ZNF654: variants seen among roughly 807,000 people sequenced by gnomAD.
The protein encoded by ZNF654 is melanoma-associated antigen.
Under a neutral mutation model 95.3 loss-of-function variants are expected in ZNF654, and 19 were observed. The observed-to-expected ratio is 0.20, with a 90% CI of 0.14 to 0.29. The LOEUF (loss-of-function observed/expected upper bound fraction) is 0.29, where lower values mean the gene tolerates loss of function less well. Among genes scored for constraint, ZNF654 ranks in the 10% least tolerant of loss-of-function variants. ZNF654 has a pLI of 1.00. For missense variants in ZNF654, 1,046 were observed against 1,341.0 expected (o/e 0.78, Z 3.44); for synonymous variants, 413 against 457.9 (o/e 0.90, Z 1.25).
rs7653652 is a variant in ZNF654 at position 88,140,191 on chromosome 3, T to G, written c.2522T>G (p.Ile841Arg). Residue 841 changes from isoleucine to arginine, a missense_variant, in exon 8 of 9, where the codon ATA (isoleucine) becomes AGA (arginine). Physicochemically the swap from Ile to Arg is moderately conservative, Grantham distance 97. Coordinates refer to ENST00000636215, the MANE Select transcript of ZNF654 (RefSeq NM_001350134.2). ...GCCCAGCACACAAAAAGTCACAGGA[T>G]ATTTCAGGCTCAGTGTAGTTTTCCA... ...QLAQHTKSHR[I>R]FQAQCSFPEC... 6.2e-7 allele frequency: 1 copy of G among 1,613,616 alleles called. No homozygotes were observed. Among genetic ancestry groups the G allele is most frequent in the South Asian group, 1.1e-5 (1 of 91,076 alleles).
At chr3:88,072,496 A>G (rs1452576274) in intron 1 of ZNF654, among the ~76,000 whole-genome samples, 1 of 151,764 alleles carries the variant, frequency 6.6e-6, no homozygotes, top group African/African-American at 2.4e-5. Context: ...TGTCTTTGCC[A>G]CTCCTTGTAC....
At chr3:88,059,661 T>G (rs555415680) in intron 1 of ZNF654, among the ~76,000 whole-genome samples, 156 bp downstream of exon 1, 3 of 144,984 alleles carry the variant, frequency 2.1e-5, no homozygotes, top group Admixed American at 6.8e-5. Flanking sequence ...TTATCCGGCT[T>G]GGGGTGGGGG....
At chr3:88,106,857 A>G (rs560164853) in intron 2 of ZNF654, among the ~76,000 whole-genome samples, 1 of 152,150 alleles carries the variant, frequency 6.6e-6, no homozygotes, top group Non-Finnish European at 1.5e-5. Flanking sequence ...TTGGCTGTCC[A>G]GTATGAAGAA....
At chr3:88,086,047 A>G (rs1463943651) in intron 1 of ZNF654, among the ~76,000 whole-genome samples, 1 of 152,204 alleles carries the variant, frequency 6.6e-6, no homozygotes, top group Non-Finnish European at 1.5e-5. Context: ...ACATTCATAC[A>G]CTATATTTTC....
intron 1 of ZNF654, among the ~76,000 whole-genome samples, chr3:88,070,891 A>G (rs528026154): frequency 1.3e-5 from 2 of 152,314 alleles, no homozygotes; most frequent in African/African-American, 2.4e-5. Flanking sequence ...AATAGTGGTT[A>G]TCTGTGGGCA....
Position 88,142,736 on chromosome 3 carries a change from T to A in ZNF654, c.*1084T>A. ...ATACTATTCCTGTTTTTTTAATTCA[T>A]TAGTGATGACTCTGGTCTGAACAGT... On this transcript the variant is annotated 3_prime_UTR_variant, in exon 9 of 9. Coordinates refer to ENST00000636215, the MANE Select transcript of ZNF654 (RefSeq NM_001350134.2). 1 of 152,308 alleles carries A rather than the reference T, an allele frequency of 6.6e-6. No homozygotes were observed. The highest frequency in any genetic ancestry group is 1.5e-5 in the Non-Finnish European group (1 of 67,802). 9.4% of individuals were successfully genotyped at this position (152,308 alleles called of 1,614,324 possible).
chr3:88,072,669 C>T (rs1707582290), intron 1 of ZNF654, among the ~76,000 whole-genome samples: 1 of 152,094 alleles, frequency 6.6e-6, no homozygotes, highest in Non-Finnish European at 1.5e-5. Context: ...TATTCTTTTT[C>T]CCCCTTACCT....
At chr3:88,122,488 G>T (rs185410790) in intron 3 of ZNF654, among the ~76,000 whole-genome samples, 11 of 152,292 alleles carry the variant, frequency 7.2e-5, no homozygotes, top group Non-Finnish European at 1.5e-4. Context: ...TCAGGGAAAA[G>T]AATCTTCCTT....
At chr3:88,061,644 G>A (rs1250702736) in intron 1 of ZNF654, among the ~76,000 whole-genome samples, 2 of 152,180 alleles carry the variant, frequency 1.3e-5, no homozygotes, top group Non-Finnish European at 2.9e-5. Flanking sequence ...CCTTTATTAA[G>A]TTGAATTTTA....
At chr3:88,069,432 A>G (rs369682806) in intron 1 of ZNF654, among the ~76,000 whole-genome samples, 22 of 152,170 alleles carry the variant, frequency 1.4e-4, no homozygotes, top group African/African-American at 4.8e-4. Flanking sequence ...AAAAAAAAAG[A>G]AAGTGATTCT....
At chr3:88,104,682 C>T (rs1421388831) in intron 2 of ZNF654, among the ~76,000 whole-genome samples, 3 of 152,024 alleles carry the variant, frequency 2.0e-5, no homozygotes, top group South Asian at 2.1e-4. Flanking sequence ...CTAGAGTAAC[C>T]GCTAAAAACA....
intron 4 of ZNF654, among the ~76,000 whole-genome samples, chr3:88,126,614 A>G (rs1223016346): frequency 6.7e-6 from 1 of 148,900 alleles, no homozygotes; most frequent in African/African-American, 2.5e-5. Flanking sequence ...TAAGAAACAA[A>G]AAGTCTGCTT....
At chr3:88,107,975 ATTG>A (rs1034308666) in intron 2 of ZNF654, among the ~76,000 whole-genome samples, 55 of 151,272 alleles carry the variant, frequency 3.6e-4, no homozygotes, top group Non-Finnish European at 2.2e-4. Context: ...TGTGGTTTTT[ATTG>A]TTCTTATCAT....
chr3:88,076,041 C>T (rs1479571025), intron 1 of ZNF654, among the ~76,000 whole-genome samples: 1 of 152,228 alleles, frequency 6.6e-6, no homozygotes, highest in Admixed American at 6.5e-5. Context: ...CAATGCCATA[C>T]TGTATGTTGT....
At chr3:88,113,257 C>T in intron 3 of ZNF654, 61 bp downstream of exon 3, 1 of 1,009,600 alleles carries the variant, frequency 9.9e-7, no homozygotes, top group Non-Finnish European at 1.4e-6. Flanking sequence ...TTATGCTCCC[C>T]CTAAATATAG....
intron 3 of ZNF654, among the ~76,000 whole-genome samples, chr3:88,115,830 G>A (rs1277831987): frequency 6.6e-6 from 1 of 151,970 alleles, no homozygotes; most frequent in African/African-American, 2.4e-5. Flanking sequence ...AGCAGTTTTC[G>A]AGATTCCCAA....
At position 88,064,865 on chromosome 3, in the gene ZNF654, AAAT is replaced by A. The variant is rs1231608508; in HGVS notation, c.186+5368_186+5370del. On this transcript the variant is annotated intron_variant, in intron 1 of 8. Coordinates refer to ENST00000636215, the MANE Select transcript of ZNF654 (RefSeq NM_001350134.2). Reference sequence around the variant, plus strand: ...TCTCAAATTAGTTTTCTAGCTCAGTAAATAATAATATGAAAGATGAAAAGGAAA... The same window carrying A: ...TCTCAAATTAGTTTTCTAGCTCAGTAAATAATATGAAAGATGAAAAGGAAA... Among the ~76,000 whole-genome samples the A allele has an allele frequency of 1.3e-4, 20 of 152,360 alleles. No homozygotes were observed. The South Asian group carries it at 2.9e-3, about 22-fold the overall frequency.
intron 2 of ZNF654, among the ~76,000 whole-genome samples, chr3:88,098,609 A>T (rs1416436516): frequency 1.3e-5 from 2 of 152,218 alleles, no homozygotes; most frequent in African/African-American, 4.8e-5. Flanking sequence ...TGAATCCAGC[A>T]GCACAGCAAA....
chr3:88,076,464 G>A (rs1707807661), intron 1 of ZNF654, among the ~76,000 whole-genome samples: 2 of 152,038 alleles, frequency 1.3e-5, no homozygotes, highest in Admixed American at 1.3e-4. Flanking sequence ...CTCTAAGAGT[G>A]AACTTTTATT....
Sources: gnomAD v4.1 joint callset for allele counts (sites outside exome capture counted in the v4.1 genomes callset) on GRCh38, gnomAD v4.1.1 for gene constraint, MANE v1.5 for transcripts, NCBI Gene and HGNC (gene_info 2026-07-23, HGNC 2026-07-21) for gene names.